SIMC1: variants seen among roughly 807,000 people sequenced by gnomAD.
SIMC1 encodes the protein SUMO-interacting motif-containing protein 1.
In SIMC1, 55 loss-of-function variants were observed where a neutral mutation model predicts 82.3. The observed-to-expected ratio is 0.67, with a 90% confidence interval of 0.54 to 0.84. SIMC1 has a LOEUF of 0.84. Ranked by LOEUF, SIMC1 falls within the 40% of genes least tolerant of loss-of-function variation. SIMC1 has a pLI of 0.00. For missense variants in SIMC1, 915 were observed against 1,107.2 expected (o/e 0.83, Z 2.46); for synonymous variants, 353 against 426.3 (o/e 0.83, Z 2.12).
chr5:176,313,231 T>G, intron 4 of SIMC1: 3 of 1,305,210 alleles, frequency 2.3e-6, no homozygotes, highest in East Asian at 2.9e-5. Context: ...AGCACAGGAG[T>G]CATTAAAGAA....
chr5:176,285,101 G>A (rs1040829107), intron 1 of SIMC1, among the ~76,000 whole-genome samples: 10 of 152,120 alleles, frequency 6.6e-5, no homozygotes, highest in Admixed American at 2.0e-4. Flanking sequence ...TATTCCAATT[G>A]ATAGAAAAAG....
At chr5:176,287,959 A>G (rs1055125087) in intron 1 of SIMC1, among the ~76,000 whole-genome samples, 8 of 152,154 alleles carry the variant, frequency 5.3e-5, no homozygotes, top group African/African-American at 1.9e-4. Context: ...ACCAGCGGGG[A>G]GAAGTGATCT....
At chr5:176,271,585 G>A (rs1762428792) in intron 1 of SIMC1, among the ~76,000 whole-genome samples, 1 of 151,952 alleles carries the variant, frequency 6.6e-6, no homozygotes, top group South Asian at 2.1e-4. Flanking sequence ...AGGGGAGTAG[G>A]GGGTTGGGAG....
rs919961658 is a variant in SIMC1 at position 176,321,854 on chromosome 5, A to G, written c.1890-419A>G. ...CTGAAGTTACCTTTGAATACTTACA[A>G]TTCAAAGAAAAATGTTGATATTTTA... On this transcript the variant is annotated intron_variant, in intron 5 of 9. Coordinates refer to ENST00000429602, the MANE Select transcript of SIMC1 (RefSeq NM_001308195.2). 6.0e-5 allele frequency among the ~76,000 whole-genome samples: 9 copies of G among 148,892 alleles called. No homozygotes were observed. In the East Asian group the frequency reaches 1.8e-3, roughly 29 times the overall value.
chr5:176,288,379 G>A (rs1176822270), intron 1 of SIMC1, among the ~76,000 whole-genome samples: 1 of 151,704 alleles, frequency 6.6e-6, no homozygotes, highest in Admixed American at 6.6e-5. Context: ...CTGCACTCCA[G>A]CCTAGGCTAA....
At position 176,304,611 on chromosome 5, in the gene SIMC1, C is replaced by A. The variant is rs866961384; in HGVS notation, c.1734+8291C>A. Among the ~76,000 whole-genome samples, 25 of 147,376 alleles carry A rather than the reference C, an allele frequency of 1.7e-4. No homozygotes were observed. In the East Asian group the frequency reaches 5.0e-3, roughly 29 times the overall value. On this transcript the variant is annotated intron_variant, in intron 4 of 9. Transcript: ENST00000429602. The stretch of plus-strand genomic sequence containing the variant: ...TGCAGCCTCTGCCCGGCCGCCACCC[C>A]GTCTGGGAAGTGAGGAGTGTCTCTG...
intron 5 of SIMC1, among the ~76,000 whole-genome samples, chr5:176,321,611 A>G (rs1291203665): frequency 1.4e-4 from 22 of 152,148 alleles, no homozygotes; most frequent in East Asian, 3.8e-4. Context: ...GTGATCATTA[A>G]AAGTAGTTTT....
At chr5:176,278,683 C>G (rs1177263691) in intron 1 of SIMC1, among the ~76,000 whole-genome samples, 1 of 95,502 alleles carries the variant, frequency 1.0e-5, no homozygotes, top group African/African-American at 3.8e-5. Context: ...TTGTCAAAGG[C>G]TTTTTCTGCA....
intron 8 of SIMC1, 42 bp from the exon 9 acceptor site, chr5:176,337,020 G>T: frequency 6.2e-7 from 1 of 1,606,772 alleles, no homozygotes; most frequent in Non-Finnish European, 8.5e-7. Flanking sequence ...AATTTTAACT[G>T]GGGAAGGCAT....
rs1348964008 is a variant in SIMC1 at position 176,281,310 on chromosome 5, G to T, written c.130-8344G>T. 3.3e-5 allele frequency among the ~76,000 whole-genome samples: 5 copies of T among 152,214 alleles called. No homozygotes were observed. The East Asian group carries it at 9.7e-4, about 29-fold the overall frequency. ...CTCCTTTAAGCACTTCTCTGTATTG[G>T]TTATTCTAGTTATACATTCGTCTAA... is the stretch of plus-strand genomic sequence containing the variant. On this transcript the variant is annotated intron_variant, in intron 1 of 9. Transcript: ENST00000429602.
intron 1 of SIMC1, among the ~76,000 whole-genome samples, chr5:176,288,669 A>T (rs1763404724): frequency 6.6e-6 from 1 of 152,110 alleles, no homozygotes; most frequent in South Asian, 2.1e-4. Flanking sequence ...TTCTCACTTG[A>T]CCCACTCAGA....
Position 176,322,417 on chromosome 5 carries a change from C to A in SIMC1, c.2034C>A (p.Thr678=). The A allele has an allele frequency of 6.2e-7, 1 of 1,608,640 alleles. No individual in the cohort carries two copies. Among genetic ancestry groups the A allele is most frequent in the Non-Finnish European group, 8.5e-7 (1 of 1,177,630 alleles). The change falls in exon 6 of 10, where the codon ACC becomes ACA. Residue 678 remains threonine (T), a synonymous_variant. Coordinates refer to ENST00000429602, the MANE Select transcript of SIMC1 (RefSeq NM_001308195.2). ...CCCAGCCCAACCTGACAAAGAACAC[C>A]AATCAGCTGTAAGGGGCAGGCAGTT... ...PSSQPNLTKN[T]NQLIVCQLQR...
chr5:176,330,334 G>T (rs1375233539), intron 7 of SIMC1, among the ~76,000 whole-genome samples: 1 of 151,474 alleles, frequency 6.6e-6, no homozygotes, highest in East Asian at 1.9e-4. Flanking sequence ...TCAGGAGGTG[G>T]AGGTTGCAGT....
chr5:176,313,253 T>C (rs1764743560), intron 4 of SIMC1: 14 of 1,376,270 alleles, frequency 1.0e-5, no homozygotes, highest in Non-Finnish European at 1.3e-5. Flanking sequence ...CAGTTTCTCT[T>C]TCTCTGTTTT....
intron 1 of SIMC1, among the ~76,000 whole-genome samples, chr5:176,284,318 A>C (rs1257357301): frequency 6.6e-6 from 1 of 152,208 alleles, no homozygotes; most frequent in Non-Finnish European, 1.5e-5. Flanking sequence ...ATTATAACAA[A>C]CTGTTTCTCA....
At chr5:176,318,060 T>G (rs1451207062) in intron 5 of SIMC1, among the ~76,000 whole-genome samples, 1 of 152,144 alleles carries the variant, frequency 6.6e-6, no homozygotes, top group Non-Finnish European at 1.5e-5. Context: ...GTAAATGAAG[T>G]AGTGGCCCAC....
chr5:176,269,313 A>G (rs867502579), intron 1 of SIMC1, among the ~76,000 whole-genome samples: 1 of 152,248 alleles, frequency 6.6e-6, no homozygotes, highest in South Asian at 2.1e-4. Flanking sequence ...AATGTTACCA[A>G]TATTGGGGAT....
chr5:176,301,641 T>C (rs1301781501), intron 4 of SIMC1, among the ~76,000 whole-genome samples: 2 of 152,072 alleles, frequency 1.3e-5, no homozygotes, highest in Non-Finnish European at 2.9e-5. Context: ...TAACCGAGTA[T>C]GGTGGCATGC....
rs1763523336 is a variant in SIMC1, at chr5:176,290,791, T to C, written c.1267T>C (p.Ser423Pro). Residue 423 changes from serine to proline, a missense_variant, in exon 2 of 10, where the codon TCA becomes CCA. By Grantham distance (74) the Ser-to-Pro change is moderately conservative. This residue lies in a region of SIMC1 where 902 missense variants were observed against 1,040.3 expected (regional missense o/e 0.87). Coordinates refer to ENST00000429602, the MANE Select transcript of SIMC1 (RefSeq NM_001308195.2). ...GGAAACCCCAGCCAGAAAAGAAATA[T>C]CACTGTCAGAGCCTGCCAAACCTGG... ...VMETPARKEI[S>P]LSEPAKPGSA... is the part of the protein sequence containing the mutation. 5 of 1,613,506 alleles carry C rather than the reference T, an allele frequency of 3.1e-6. No homozygotes were observed. Among genetic ancestry groups the C allele is most frequent in the Non-Finnish European group, 4.2e-6 (5 of 1,179,598 alleles).
Sources: allele counts gnomAD v4.1 joint callset (sites outside exome capture counted in the v4.1 genomes callset), GRCh38; gene constraint gnomAD v4.1.1; regional missense constraint gnomAD v4.1.1; transcripts MANE v1.5; gene names NCBI Gene and HGNC (gene_info 2026-07-23, HGNC 2026-07-21).